Variants in LPAR3 observed in about 807,000 individuals in gnomAD.
LPAR3 encodes lysophosphatidic acid receptor 3, also known as LPA receptor 3.
LPAR3 carries 7 observed loss-of-function variants against 17.8 expected under a neutral mutation model. That is an observed-to-expected ratio of 0.39 (90% CI 0.22 to 0.74). LPAR3 has a LOEUF of 0.74. Among genes scored for constraint, LPAR3 ranks in the 30% least tolerant of loss-of-function variants. The probability of loss-of-function intolerance (pLI) is 0.40; values close to 1 mark genes in which losing one functional copy is unlikely to be tolerated. For missense variants in LPAR3, 391 were observed against 453.4 expected, an observed-to-expected ratio of 0.86 and a Z score of 1.25; for synonymous variants, 179 against 179.9, an observed-to-expected ratio of 0.99 and a Z score of 0.04.
intron 2 of LPAR3, among the ~76,000 whole-genome samples, chr1:84,820,557 A>G (rs2102745084): frequency 6.6e-6 from 1 of 152,302 alleles, no homozygotes; most frequent in South Asian, 2.1e-4. Flanking sequence ...TTAACCCAGG[A>G]AGATGATTGA....
intron 1 of LPAR3, among the ~76,000 whole-genome samples, chr1:84,866,884 C>T (rs1660061274): frequency 6.6e-6 from 1 of 152,188 alleles, no homozygotes; most frequent in African/African-American, 2.4e-5. Context: ...AGTCTCCTAA[C>T]CCAAACTGTA....
At chr1:84,880,887 C>A (rs1024693391) in intron 1 of LPAR3, among the ~76,000 whole-genome samples, 1 of 152,122 alleles carries the variant, frequency 6.6e-6, no homozygotes, top group Admixed American at 6.5e-5. Flanking sequence ...TCTGGGAGGC[C>A]CCACCCAGAG....
chr1:84,816,291 C>T (rs568097691), intron 2 of LPAR3, among the ~76,000 whole-genome samples: 14 of 152,264 alleles, frequency 9.2e-5, no homozygotes, highest in Admixed American at 6.5e-5. Context: ...ACAAACAAGT[C>T]AAATTTGTTT....
chr1:84,881,876 A>G (rs1416996732), intron 1 of LPAR3, among the ~76,000 whole-genome samples: 3 of 152,226 alleles, frequency 2.0e-5, no homozygotes, highest in African/African-American at 4.8e-5. Flanking sequence ...AGCTAACATC[A>G]TACTCAATGG....
At chr1:84,814,780 T>C (rs1441007635) in intron 2 of LPAR3, among the ~76,000 whole-genome samples, 1 of 152,220 alleles carries the variant, frequency 6.6e-6, no homozygotes, top group African/African-American at 2.4e-5. Flanking sequence ...TTTTGACATA[T>C]TCACGGGCCA....
At chr1:84,863,489 G>C (rs533825710) in intron 2 of LPAR3, among the ~76,000 whole-genome samples, 1 of 152,066 alleles carries the variant, frequency 6.6e-6, no homozygotes, top group Non-Finnish European at 1.5e-5. Flanking sequence ...GAGTCTCCTG[G>C]GTTTTCCATC....
intron 1 of LPAR3, among the ~76,000 whole-genome samples, chr1:84,879,316 C>CTTTTTCTT (rs1553149966): frequency 5.0e-5 from 6 of 120,602 alleles, no homozygotes; most frequent in African/African-American, 2.1e-4. Flanking sequence ...TTTCTTTTTT[C>CTTTTTCTT]TTTTTTTTTT....
chr1:84,838,175 C>T (rs1441450051), intron 2 of LPAR3, among the ~76,000 whole-genome samples: 1 of 152,090 alleles, frequency 6.6e-6, no homozygotes, highest in Non-Finnish European at 1.5e-5. Context: ...ATCCTTGCGG[C>T]AAAAGGTATC....
chr1:84,873,439 AAAAT>A (rs1315284340), intron 1 of LPAR3, among the ~76,000 whole-genome samples: 1 of 152,238 alleles, frequency 6.6e-6, no homozygotes, highest in Non-Finnish European at 1.5e-5. Context: ...CACTAATTTT[AAAAT>A]AAATAAAGCC....
chr1:84,837,483 GA>G (rs989733822), intron 2 of LPAR3, among the ~76,000 whole-genome samples: 3 of 151,680 alleles, frequency 2.0e-5, no homozygotes, highest in Non-Finnish European at 2.9e-5. Flanking sequence ...TCCCACTATA[GA>G]AAAAAAACAA....
chr1:84,865,437 G>A lies in LPAR3; in HGVS notation c.684C>T (p.Ile228=). The stretch of plus-strand genomic sequence containing the variant: ...GCTTCATGGGTGTCCTCCGGCGGCT[G>A]ATGGACCCACTTGTATGCGGAGACA... The part of the protein sequence containing the change: ...NVLSPHTSGS[I]SRRRTPMKLM... The change falls in exon 2 of 3, where the codon ATC becomes ATT. Residue 228 remains isoleucine, a synonymous_variant. Transcript: ENST00000370611. 1 of 1,614,156 alleles carries A rather than the reference G, an allele frequency of 6.2e-7. No homozygotes were observed. Among genetic ancestry groups the A allele is most frequent in the Non-Finnish European group, 8.5e-7 (1 of 1,180,022 alleles).
At chr1:84,869,445 T>C (rs928860526) in intron 1 of LPAR3, among the ~76,000 whole-genome samples, 8 of 152,170 alleles carry the variant, frequency 5.3e-5, no homozygotes, top group Non-Finnish European at 1.0e-4. Context: ...CATAGGAAAT[T>C]GGTGAAAAAG....
intron 2 of LPAR3, among the ~76,000 whole-genome samples, chr1:84,842,227 T>C (rs556309998): frequency 6.2e-4 from 95 of 152,294 alleles, no homozygotes; most frequent in African/African-American, 1.8e-3. Context: ...CAATCAGAAG[T>C]ATAGTTAATA....
At chr1:84,851,746 T>G (rs1222406978) in intron 2 of LPAR3, among the ~76,000 whole-genome samples, 1 of 152,140 alleles carries the variant, frequency 6.6e-6, no homozygotes, top group Non-Finnish European at 1.5e-5. Flanking sequence ...AAGCTTGGCA[T>G]GACAGAAGCA....
intron 2 of LPAR3, among the ~76,000 whole-genome samples, chr1:84,831,541 T>TATG (rs1659283124): frequency 6.6e-6 from 1 of 151,242 alleles, no homozygotes; most frequent in South Asian, 2.1e-4. Flanking sequence ...TCATATATCA[T>TATG]ATATATCATA....
intron 2 of LPAR3, among the ~76,000 whole-genome samples, chr1:84,830,622 C>A (rs1232576763): frequency 6.6e-6 from 1 of 152,172 alleles, no homozygotes; most frequent in Admixed American, 6.5e-5. Flanking sequence ...GAAACACTGC[C>A]ATTTTCAGCT....
intron 1 of LPAR3, among the ~76,000 whole-genome samples, chr1:84,883,873 T>C (rs1274811805): frequency 6.6e-6 from 1 of 152,190 alleles, no homozygotes; most frequent in Non-Finnish European, 1.5e-5. Flanking sequence ...AGAAGAAATA[T>C]AATTGCAGAA....
chr1:84,855,590 A>G (rs555701759), intron 2 of LPAR3, among the ~76,000 whole-genome samples: 16 of 152,344 alleles, frequency 1.1e-4, no homozygotes, highest in African/African-American at 3.6e-4. Context: ...TTCTAAAAAG[A>G]AGAAAAGCCA....
intron 2 of LPAR3, among the ~76,000 whole-genome samples, chr1:84,833,530 G>C (rs182274686): frequency 6.6e-6 from 1 of 152,266 alleles, no homozygotes; most frequent in Non-Finnish European, 1.5e-5. Flanking sequence ...ATTACTCCAG[G>C]AAAGGCCTCG....
Sources: gnomAD v4.1 joint callset for allele counts (sites outside exome capture counted in the v4.1 genomes callset) on GRCh38, gnomAD v4.1.1 for gene constraint, MANE v1.5 for transcripts, NCBI Gene and HGNC (gene_info 2026-07-23, HGNC 2026-07-21) for gene names.